Variants in RFC1 observed in about 807,000 individuals in gnomAD.
RFC1 encodes the protein replication factor C subunit 1.
In RFC1, 37 loss-of-function variants were observed where a neutral mutation model predicts 137.4. The ratio of observed to expected loss-of-function variants is 0.27; its 90% CI spans 0.21 to 0.35. The LOEUF is 0.35. Among genes scored for constraint, RFC1 ranks in the 10% least tolerant of loss-of-function variants. The probability of loss-of-function intolerance (pLI) is 1.00; values close to 1 mark genes in which losing one functional copy is unlikely to be tolerated. For synonymous variants in RFC1, 429 were observed against 455.7 expected (o/e 0.94, Z 0.75); for missense variants, 1,205 against 1,358.5 (o/e 0.89, Z 1.78).
At chr4:39,354,969 C>T (rs969480884) in intron 1 of RFC1, among the ~76,000 whole-genome samples, 20 of 151,476 alleles carry the variant, frequency 1.3e-4, no homozygotes, top group Admixed American at 1.1e-3. Flanking sequence ...GTAATCCTAG[C>T]TACTCAGGGG....
intron 1 of RFC1, among the ~76,000 whole-genome samples, chr4:39,362,043 A>C (rs1208064567): frequency 1.3e-5 from 2 of 152,240 alleles, no homozygotes; most frequent in African/African-American, 4.8e-5. Flanking sequence ...TCTCAAAAAA[A>C]AAGAAATCAG....
Position 39,303,169 on chromosome 4 carries a change from G to C in RFC1, c.2111-18C>G. The C allele has an allele frequency of 1.3e-6, 2 of 1,561,400 alleles. No homozygotes were observed. Among genetic ancestry groups the C allele is most frequent in the Non-Finnish European group, 1.8e-6 (2 of 1,132,550 alleles). ...TGCTCCATCTGACCCAGGTTGAGGA[G>C]CAATGGGATGAGACAAAAACAAAAT... is the stretch of plus-strand genomic sequence containing the variant. On this transcript the variant is annotated intron_variant, in intron 15 of 24. Coordinates refer to ENST00000349703, the MANE Select transcript of RFC1 (RefSeq NM_002913.5).
In RFC1 at chr4:39,300,254, A is replaced by G; in HGVS notation, c.2690+6T>C. On this transcript the variant is annotated splice_donor_region_variant and intron_variant, in intron 20 of 24. Coordinates refer to ENST00000349703, the MANE Select transcript of RFC1 (RefSeq NM_002913.5). ...AGCACACCTCTCACCAGCTCTGGAC[A>G]CTCACCCTGCTGCTACAGGCTTCAC... The G allele has an allele frequency of 6.2e-7, 1 of 1,614,022 alleles. No homozygotes were observed. Among genetic ancestry groups the G allele is most frequent in the Non-Finnish European group, 8.5e-7 (1 of 1,179,976 alleles).
chr4:39,292,342 A>C lies in RFC1; in HGVS notation c.2955-490T>G, dbSNP rs17288764. Among the ~76,000 whole-genome samples, 974 of 152,304 alleles carry C rather than the reference A, an allele frequency of 6.4e-3. 16 individuals are homozygous for C. Among genetic ancestry groups the C allele is most frequent in the African/African-American group, 0.022 (918 of 41,554 alleles). ...CTGTTACTCTGAAATCGTCAGTTCTAGAGCCGGCTTTTCTCCAAATCTAAG... is the reference window on the plus strand; with the variant it reads ...CTGTTACTCTGAAATCGTCAGTTCTCGAGCCGGCTTTTCTCCAAATCTAAG... On this transcript the variant is annotated intron_variant, in intron 22 of 24. Transcript: ENST00000349703.
chr4:39,335,028 G>T (rs1740285109), intron 4 of RFC1, among the ~76,000 whole-genome samples: 1 of 152,162 alleles, frequency 6.6e-6, no homozygotes, highest in South Asian at 2.1e-4. Context: ...ATACTGCTGA[G>T]AATCTGGCCT....
intron 1 of RFC1, 141 bp downstream of exon 1, chr4:39,366,098 G>C (rs760718567): frequency 1.7e-5 from 15 of 883,886 alleles, no homozygotes; most frequent in Non-Finnish European, 2.4e-5. Context: ...CCCGGTGTGC[G>C]GCCCCTTCTC....
intron 22 of RFC1, among the ~76,000 whole-genome samples, chr4:39,295,143 T>G (rs915007950): frequency 5.3e-5 from 8 of 152,252 alleles, no homozygotes; most frequent in Admixed American, 2.6e-4. Context: ...TCATTTTCAA[T>G]GATCTGAGCA....
At chr4:39,290,372 A>T (rs1379991077) in intron 23 of RFC1, among the ~76,000 whole-genome samples, 3 of 37,266 alleles carry the variant, frequency 8.1e-5, no homozygotes, top group South Asian at 5.7e-4. Context: ...GATTCTGTCT[A>T]AAAAAAAAAA....
intron 14 of RFC1, among the ~76,000 whole-genome samples, chr4:39,305,498 C>T (rs1485881191): frequency 3.3e-5 from 5 of 152,090 alleles, no homozygotes; most frequent in Admixed American, 6.5e-5. Context: ...GTCTCAGCTA[C>T]TCTGGAGGGT....
intron 21 of RFC1, among the ~76,000 whole-genome samples, chr4:39,298,236 A>C (rs1164361248): frequency 7.1e-6 from 1 of 141,158 alleles, no homozygotes; most frequent in African/African-American, 2.5e-5. Context: ...TGAGCCCAGG[A>C]GGGCAAGGCT....
At position 39,290,009 on chromosome 4, in the gene RFC1, T is replaced by C. The variant is rs1303571019; in HGVS notation, c.3199A>G (p.Lys1067Glu). The C allele has an allele frequency of 6.2e-7, 1 of 1,613,616 alleles. No homozygotes were observed. The highest frequency in any genetic ancestry group is 1.1e-5 in the South Asian group (1 of 91,012). ...GAGTATGGAGTAAGGTGGGCTTCCT[T>C]ATTGTAAGCTCTTGTGAAGGCTGCT... ...VKAAFTRAYN[K>E]EAHLTPYSLQ... The change falls in exon 24 of 25, where the codon AAG becomes GAG. Residue 1067 changes from lysine (K) to glutamate (E), a missense_variant. Physicochemically the swap from Lys to Glu is moderately conservative, Grantham distance 56. Around this residue, in one of 3 missense-constraint regions of RFC1, gnomAD observed 237 missense variants for 304.2 expected, o/e 0.78. Transcript: ENST00000349703.
At position 39,287,469 on chromosome 4, in the gene RFC1, A is replaced by G. The variant is rs1454903746; in HGVS notation, c.*1292T>C. 1 of 152,216 alleles carries G rather than the reference A, an allele frequency of 6.6e-6. No homozygotes were observed. The highest frequency in any genetic ancestry group is 2.4e-5 in the African/African-American group (1 of 41,450). The allele number at this position is 152,216 out of a possible 1,614,324, so 9.4% of individuals were successfully genotyped here. On this transcript the variant is annotated 3_prime_UTR_variant, in exon 25 of 25. Coordinates refer to ENST00000349703, the MANE Select transcript of RFC1 (RefSeq NM_002913.5). ...TGACTCAGCAGGCAAGGGCTTAGGCAATGTTTTATTTCCATAATGAATTAA... is the reference window on the plus strand; with the variant it reads ...TGACTCAGCAGGCAAGGGCTTAGGCGATGTTTTATTTCCATAATGAATTAA...
At chr4:39,298,299 C>A (rs1329023015) in intron 21 of RFC1, among the ~76,000 whole-genome samples, 1 of 91,346 alleles carries the variant, frequency 1.1e-5, no homozygotes, top group African/African-American at 4.1e-5. Context: ...CAGAGTGAGA[C>A]CTTGTCTCAA....
In RFC1 at chr4:39,358,878, A is replaced by T. The variant is rs565707350; in HGVS notation, c.3+7361T>A. ...CTCACACCTACTTAACCCCAGTACC[A>T]CTTATGTACATACCGATACTTCCTA... is the stretch of plus-strand genomic sequence containing the variant. On this transcript the variant is annotated intron_variant, in intron 1 of 24. Transcript: ENST00000349703. Among the ~76,000 whole-genome samples, 9 of 152,234 alleles carry T rather than the reference A, an allele frequency of 5.9e-5. No individual in the cohort carries two copies. The East Asian group carries it at 1.7e-3, about 29-fold the overall frequency.
intron 4 of RFC1, among the ~76,000 whole-genome samples, chr4:39,330,718 AAG>A (rs1740056240): frequency 1.3e-5 from 2 of 152,208 alleles, no homozygotes; most frequent in African/African-American, 4.8e-5. Context: ...TTGCAACCGA[AAG>A]AGTTAAATTA....
intron 9 of RFC1, among the ~76,000 whole-genome samples, chr4:39,318,633 T>C (rs1360718425): frequency 6.6e-6 from 1 of 152,238 alleles, no homozygotes; most frequent in Non-Finnish European, 1.5e-5. Flanking sequence ...CATTTAAAGA[T>C]TTCCTCTTTC....
chr4:39,294,693 A>G (rs1399329517), intron 22 of RFC1, among the ~76,000 whole-genome samples: 1 of 151,660 alleles, frequency 6.6e-6, no homozygotes, highest in East Asian at 1.9e-4. Context: ...AAAGAAAAGA[A>G]AAGAAAAAAA....
intron 6 of RFC1, among the ~76,000 whole-genome samples, 159 bp downstream of exon 6, chr4:39,326,404 G>A (rs891313358): frequency 6.6e-6 from 1 of 151,872 alleles, no homozygotes; most frequent in African/African-American, 2.4e-5. Context: ...TTCTCCCCTG[G>A]TCTCATCATT....
At chr4:39,302,667 A>T in intron 17 of RFC1, 70 bp downstream of exon 17, 13 of 1,494,346 alleles carry the variant, frequency 8.7e-6, no homozygotes, top group Non-Finnish European at 1.2e-5. Context: ...AATATTTATC[A>T]GGTACTTTTA....
Sources: allele counts gnomAD v4.1 joint callset (sites outside exome capture counted in the v4.1 genomes callset), GRCh38; gene constraint gnomAD v4.1.1; regional missense constraint gnomAD v4.1.1; transcripts MANE v1.5; gene names NCBI Gene and HGNC (gene_info 2026-07-23, HGNC 2026-07-21).